The following KCNAB2 variants were observed in gnomAD, a reference collection of about 807,000 sequenced individuals.
KCNAB2 encodes potassium voltage-gated channel subfamily A regulatory beta subunit 2, also known as voltage-gated potassium channel subunit beta-2.
Under a neutral mutation model 63.6 loss-of-function variants are expected in KCNAB2, and 29 were observed. The observed-to-expected ratio is 0.46, with a 90% CI of 0.34 to 0.62. The LOEUF is 0.62. Among genes scored for constraint, KCNAB2 ranks in the 20% least tolerant of loss-of-function variants. The pLI is 0.01. For missense variants in KCNAB2, 359 were observed against 563.9 expected, an observed-to-expected ratio of 0.64 and a Z score of 3.68; for synonymous variants, 222 against 224.2, an observed-to-expected ratio of 0.99 and a Z score of 0.09.
chr1:6,089,923 A>T (rs916004417), intron 8 of KCNAB2, among the ~76,000 whole-genome samples: 1 of 151,640 alleles, frequency 6.6e-6, no homozygotes, highest in African/African-American at 2.4e-5. Flanking sequence ...CTGGTCTCAA[A>T]CTCCTGGCCC....
intron 1 of KCNAB2, among the ~76,000 whole-genome samples, chr1:6,006,593 TC>T (rs1557925241): frequency 0.052 from 111 of 2,116 alleles, 49 homozygotes; most frequent in African/African-American, 0.22. Flanking sequence ...CACTTCACCC[TC>T]ACCCCTCAGC....
chr1:6,087,308 G>C lies in KCNAB2; in HGVS notation c.426-159G>C, dbSNP rs1234887189. Among the ~76,000 whole-genome samples the C allele has an allele frequency of 6.6e-6, 1 of 152,180 alleles. No homozygotes were observed. The highest frequency in any genetic ancestry group is 1.5e-5 in the Non-Finnish European group (1 of 68,036). On this transcript the variant is annotated intron_variant, in intron 6 of 15. Transcript: ENST00000378083. This position sits in a 1 kb window ranked among gnomAD's most constrained non-coding sequence, Gnocchi z 6.4. Reference sequence around the variant, plus strand: ...CCCACGCACCCCGGCTGGGCACGTGGTACACATCATATGATGGAGAAGTGC... The same window carrying C: ...CCCACGCACCCCGGCTGGGCACGTGCTACACATCATATGATGGAGAAGTGC...
chr1:6,039,655 A>C (rs1660334868), intron 1 of KCNAB2, among the ~76,000 whole-genome samples: 1 of 152,190 alleles, frequency 6.6e-6, no homozygotes, highest in South Asian at 2.1e-4. Flanking sequence ...CCTGAGCTGC[A>C]GTCGAGGTTC....
chr1:6,088,861 G>A, intron 7 of KCNAB2, 147 bp from the exon 8 acceptor site: 1 of 735,808 alleles, frequency 1.4e-6, no homozygotes. Flanking sequence ...TGTAGCCTCG[G>A]GTCCCTACCC....
chr1:5,999,443 C>T (rs1400877107), intron 1 of KCNAB2, among the ~76,000 whole-genome samples: 1 of 152,216 alleles, frequency 6.6e-6, no homozygotes, highest in Non-Finnish European at 1.5e-5. Context: ...CCCACCTCTA[C>T]TTCTTAAGGA....
upstream of KCNAB2, among the ~76,000 whole-genome samples, chr1:6,031,812 C>A (rs1003583563): frequency 1.3e-5 from 2 of 152,072 alleles, no homozygotes; most frequent in Non-Finnish European, 2.9e-5. The surrounding 1 kb of genome is among the most constrained non-coding windows in gnomAD (Gnocchi z 4.1). Flanking sequence ...TCCCTTGAGC[C>A]CCATAGGTCA....
At chr1:6,008,234 C>G (rs921416695) in intron 1 of KCNAB2, among the ~76,000 whole-genome samples, 1 of 152,144 alleles carries the variant, frequency 6.6e-6, no homozygotes, top group African/African-American at 2.4e-5. Context: ...GCAGAAAGGA[C>G]CCGCCCCCCC....
At chr1:6,040,824 C>G (rs1460112597) in intron 2 of KCNAB2, among the ~76,000 whole-genome samples, 1 of 152,254 alleles carries the variant, frequency 6.6e-6, no homozygotes, top group Admixed American at 6.5e-5. Flanking sequence ...AAGAAAGGAG[C>G]AGGGGCTTTA....
rs1229001087 is a variant in KCNAB2 at position 6,087,291 on chromosome 1, C to G, written c.426-176C>G. Among the ~76,000 whole-genome samples the G allele has an allele frequency of 6.6e-6, 1 of 152,238 alleles. No individual in the cohort carries two copies. The highest frequency in any genetic ancestry group is 1.5e-5 in the Non-Finnish European group (1 of 68,046). On this transcript the variant is annotated intron_variant, in intron 6 of 15. Transcript: ENST00000378083. This position sits in a 1 kb window ranked among gnomAD's most constrained non-coding sequence, Gnocchi z 6.4. The stretch of plus-strand genomic sequence containing the variant: ...CCTGGCTCCATGAGGAGCCCACGCA[C>G]CCCGGCTGGGCACGTGGTACACATC...
intron 2 of KCNAB2, among the ~76,000 whole-genome samples, chr1:6,068,012 C>G (rs973325391): frequency 6.6e-6 from 1 of 152,158 alleles, no homozygotes; most frequent in African/African-American, 2.4e-5. Context: ...GCCTGGGTGA[C>G]AGAATGAGAG....
At chr1:6,032,318 C>A (rs1483239505), upstream of KCNAB2, among the ~76,000 whole-genome samples, 1 of 152,174 alleles carries the variant, frequency 6.6e-6, no homozygotes. Context: ...CGGTGGCTCA[C>A]ACCTGTAATC....
chr1:6,057,654 GT>G (rs1661953953), intron 2 of KCNAB2, among the ~76,000 whole-genome samples: 1 of 152,220 alleles, frequency 6.6e-6, no homozygotes, highest in Non-Finnish European at 1.5e-5. Context: ...GGAGGTGAAA[GT>G]CCAACGGCCA....
rs1230045504 is a variant in KCNAB2 at position 6,061,306 on chromosome 1, CA to C, written c.218+9555del. Among the ~76,000 whole-genome samples the C allele has an allele frequency of 2.6e-5, 4 of 152,352 alleles. No individual in the cohort carries two copies. The East Asian group carries it at 7.7e-4, about 29-fold the overall frequency. ...ACCAGCCACGCTCCATGCCTCTGAC[CA>C]AAGCCTACCAGCACTGGGCCGGGCG... On this transcript the variant is annotated intron_variant, in intron 2 of 15. Transcript: ENST00000378083.
At chr1:6,081,079 C>T (rs1244761160) in intron 4 of KCNAB2, among the ~76,000 whole-genome samples, 1 of 152,188 alleles carries the variant, frequency 6.6e-6, no homozygotes, top group East Asian at 1.9e-4. Flanking sequence ...AGAGGGGCTC[C>T]CCTCGCTCCA....
intron 1 of KCNAB2, among the ~76,000 whole-genome samples, chr1:6,008,514 G>A (rs562359525): frequency 9.2e-5 from 14 of 152,154 alleles, no homozygotes; most frequent in Admixed American, 6.5e-4. Flanking sequence ...CCAGCTACTC[G>A]GGAGGCTGAA....
intron 1 of KCNAB2, among the ~76,000 whole-genome samples, chr1:6,025,640 A>T (rs1448640546): frequency 6.6e-6 from 1 of 152,128 alleles, no homozygotes; most frequent in Non-Finnish European, 1.5e-5. Context: ...CAAAGTTGGG[A>T]GATGGAGTGG....
At chr1:6,007,207 G>GT (rs2100244654) in intron 1 of KCNAB2, among the ~76,000 whole-genome samples, 1 of 152,152 alleles carries the variant, frequency 6.6e-6, no homozygotes, top group African/African-American at 2.4e-5. Context: ...TGCATGGGGG[G>GT]GGCTCAGCTC....
At chr1:6,000,562 G>A (rs1267677984) in intron 1 of KCNAB2, among the ~76,000 whole-genome samples, 1 of 151,794 alleles carries the variant, frequency 6.6e-6, no homozygotes, top group Non-Finnish European at 1.5e-5. Flanking sequence ...GGGCAGGCGA[G>A]CCCGCTCCTG....
chr1:6,067,684 T>C (rs1189493004), intron 2 of KCNAB2, among the ~76,000 whole-genome samples: 3 of 152,282 alleles, frequency 2.0e-5, no homozygotes, highest in Admixed American at 2.0e-4. Flanking sequence ...AGAATGGAAT[T>C]CTCTGTTCTA....
Sources: gnomAD v4.1 joint callset for allele counts (sites outside exome capture counted in the v4.1 genomes callset) on GRCh38, gnomAD v4.1.1 for gene constraint, Gnocchi (gnomAD v3.1) non-coding constraint, MANE v1.5 for transcripts, NCBI Gene and HGNC (gene_info 2026-07-23, HGNC 2026-07-21) for gene names.